Variants in DNAH17 observed in about 807,000 individuals in gnomAD.
DNAH17 encodes the protein dynein axonemal heavy chain 17.
A neutral mutation model predicts 485.6 loss-of-function variants in DNAH17; 376 were observed. That is an observed-to-expected ratio of 0.77 (90% CI 0.71 to 0.84). DNAH17 has a LOEUF of 0.84. Ranked by LOEUF, DNAH17 falls within the 40% of genes least tolerant of loss-of-function variation. The pLI is 0.00. For missense variants in DNAH17, 6,370 were observed against 5,839.3 expected, an observed-to-expected ratio of 1.09 and a Z score of -2.96; for synonymous variants, 3,031 against 2,405.9, an observed-to-expected ratio of 1.26 and a Z score of -7.60.
intron 20 of DNAH17, among the ~76,000 whole-genome samples, chr17:78,531,704 T>C (rs1191123329): frequency 6.6e-6 from 1 of 152,254 alleles, no homozygotes; most frequent in African/African-American, 2.4e-5. Flanking sequence ...TCTGTTTGTG[T>C]GGAATCTCTT....
intron 33 of DNAH17, chr17:78,502,230 T>C: frequency 2.8e-6 from 1 of 353,604 alleles, no homozygotes; most frequent in Non-Finnish European, 5.2e-6. Context: ...CCCTGCAGTG[T>C]CATGCTTGGG....
chr17:78,524,704 T>C (rs972253592), intron 25 of DNAH17, among the ~76,000 whole-genome samples: 2 of 150,440 alleles, frequency 1.3e-5, no homozygotes, highest in African/African-American at 4.9e-5. Flanking sequence ...AAAAATTTCT[T>C]TAAAAAAGGT....
chr17:78,482,485 G>A (rs1406699279), intron 48 of DNAH17, among the ~76,000 whole-genome samples: 1 of 152,058 alleles, frequency 6.6e-6, no homozygotes, highest in Non-Finnish European at 1.5e-5. Flanking sequence ...ATATGTCCAT[G>A]GTGTCTCTCA....
At chr17:78,547,101 C>G (rs989852025) in intron 16 of DNAH17, among the ~76,000 whole-genome samples, 8 of 152,284 alleles carry the variant, frequency 5.3e-5, no homozygotes, top group African/African-American at 1.9e-4. Flanking sequence ...TAACCTTTTA[C>G]AACCGTATTT....
intron 25 of DNAH17, among the ~76,000 whole-genome samples, chr17:78,520,999 T>C (rs2143192970): frequency 6.6e-6 from 1 of 152,300 alleles, no homozygotes; most frequent in East Asian, 1.9e-4. Context: ...GAATCAAGAC[T>C]GTGCAGTATC....
intron 25 of DNAH17, among the ~76,000 whole-genome samples, chr17:78,520,164 AATCAT>A (rs1032226612): frequency 1.3e-5 from 2 of 152,214 alleles, no homozygotes; most frequent in African/African-American, 4.8e-5. Context: ...AACAAAAATC[AATCAT>A]ATCAGTAAAC....
Position 78,425,208 on chromosome 17 carries a change from G to A in DNAH17, c.13141+138C>T. 4 of 795,982 alleles carry A rather than the reference G, an allele frequency of 5.0e-6. No homozygotes were observed. In the South Asian group the frequency reaches 5.2e-5, roughly 10 times the overall value. The allele number at this position is 795,982 out of a possible 1,614,324, so 49.3% of individuals were successfully genotyped here. On this transcript the variant is annotated intron_variant, in intron 80 of 80. Coordinates refer to ENST00000389840, the MANE Select transcript of DNAH17 (RefSeq NM_173628.4). ...GCGTGGCTCTGACCTGCAGGCTGAT[G>A]CCCCCTGAGAGCACCTCTCTCCTGC...
chr17:78,475,613 G>A, intron 53 of DNAH17, 56 bp downstream of exon 53: 1 of 1,606,454 alleles, frequency 6.2e-7, no homozygotes, highest in Non-Finnish European at 8.5e-7. Context: ...AATGCAACCG[G>A]AGAGGGTGAC....
At chr17:78,439,622 G>A (rs1364066258) in intron 72 of DNAH17, among the ~76,000 whole-genome samples, 1 of 139,672 alleles carries the variant, frequency 7.2e-6, no homozygotes, top group East Asian at 2.2e-4. Context: ...TGAGCATAGT[G>A]TTTTTGAGGT....
chr17:78,553,314 TTTTTTAA>T (rs2091950568), intron 14 of DNAH17, among the ~76,000 whole-genome samples: 3 of 52,484 alleles, frequency 5.7e-5, no homozygotes, highest in Non-Finnish European at 8.3e-5. Flanking sequence ...TTTTTTTTTT[TTTTTTAA>T]GATGGAGTCT....
At position 78,475,399 on chromosome 17, in the gene DNAH17, G is replaced by T; in HGVS notation, c.8390C>A (p.Ala2797Asp). ...ACTGCCGCCCACCCCCACCAGCAGGGCATTCCCCCGGGGAGACTCCAGGAT... is the reference window on the plus strand; with the variant it reads ...ACTGCCGCCCACCCCCACCAGCAGGTCATTCCCCCGGGGAGACTCCAGGAT... ...NRILESPRGNALLVGVGGSGK... is the reference protein window; with the variant it reads ...NRILESPRGNDLLVGVGGSGK... The change falls in exon 54 of 81, where the codon GCC (alanine) becomes GAC (aspartate). Residue 2797 changes from alanine to aspartate, a missense_variant. By Grantham distance (126) the Ala-to-Asp change is moderately radical (BLOSUM62 -2). Transcript: ENST00000389840. 1 of 1,613,914 alleles carries T rather than the reference G, an allele frequency of 6.2e-7. No homozygotes were observed. The highest frequency in any genetic ancestry group is 8.5e-7 in the Non-Finnish European group (1 of 1,179,888).
chr17:78,530,414 C>A lies in DNAH17; in HGVS notation c.3213G>T (p.Gln1071His). The change falls in exon 21 of 81, where the codon CAG becomes CAT. Residue 1071 changes from glutamine to histidine, a missense_variant. Transcript: ENST00000389840. ...AGCGCCGGATTGTGCTGAGCAGGGC[C>A]TGCTTGAAGGGGCGGCAGTCGCACT... ...WLQCDCRPFK[Q>H]ALLSTIRRWG... 1 of 1,613,764 alleles carries A rather than the reference C, an allele frequency of 6.2e-7. No homozygotes were observed. Among genetic ancestry groups the A allele is most frequent in the Non-Finnish European group, 8.5e-7 (1 of 1,179,810 alleles).
rs188215726 is a variant in DNAH17, at chr17:78,450,696, C to T, written c.10885G>A (p.Glu3629Lys). The T allele has an allele frequency of 7.3e-5, 118 of 1,613,338 alleles. 1 individual carries two copies. Among genetic ancestry groups the T allele is most frequent in the Non-Finnish European group, 5.8e-5 (68 of 1,179,688 alleles). The change falls in exon 67 of 81, where the codon GAG becomes AAG. Residue 3629 changes from glutamate (E) to lysine (K), a missense_variant. Transcript: ENST00000389840. ...NLETTKHTAS[E>K]IEEKVVEAKI... ...GCAGCTCTGACCTTCTCCTCGATCT[C>T]GCTGGCTGTGTGCTTGGTGGTCTCC...
chr17:78,505,183 C>G, intron 31 of DNAH17, 110 bp downstream of exon 31: 1 of 1,431,150 alleles, frequency 7.0e-7, no homozygotes. Context: ...GGCGGGCTGG[C>G]AGCTGCACAG....
intron 79 of DNAH17, among the ~76,000 whole-genome samples, chr17:78,426,060 G>A (rs1419215137): frequency 2.0e-5 from 3 of 152,242 alleles, no homozygotes; most frequent in Non-Finnish European, 4.4e-5. Flanking sequence ...ACCGTGTCCA[G>A]CTGCTGTTTG....
chr17:78,543,645 G>C lies in DNAH17; in HGVS notation c.2532+212C>G, dbSNP rs548861004. The C allele has an allele frequency of 1.1e-4, 72 of 683,426 alleles. 1 individual carries two copies. The highest frequency in any genetic ancestry group is 7.6e-4 in the Admixed American group (30 of 39,372). 42.3% of individuals were successfully genotyped at this position (683,426 alleles called of 1,614,324 possible). On this transcript the variant is annotated intron_variant, in intron 17 of 80. Transcript: ENST00000389840. Reference sequence around the variant, plus strand: ...TCACCACGTTGGTCAAGCTGGTCTCGATCTCCTGACATTAGGTGATCCGCC... The same window carrying C: ...TCACCACGTTGGTCAAGCTGGTCTCCATCTCCTGACATTAGGTGATCCGCC...
Position 78,427,018 on chromosome 17 carries a change from AG to A in DNAH17, c.12678del (p.Tyr4227ThrfsTer3), listed in dbSNP as rs1381641750. 6.2e-7 allele frequency: 1 copy of A among 1,608,508 alleles called. No homozygotes were observed. Among genetic ancestry groups the A allele is most frequent in the Non-Finnish European group, 8.5e-7 (1 of 1,177,592 alleles). ...EIMAKAAEKT[P>X]YVVVAFQECE... is the part of the protein sequence containing the mutation. ...CATTCTTGAAAGGCGACTACCACGT[AG>A]GGGGTCTTTTCCGCTGCCTTTGCCA... On this transcript the variant is annotated frameshift_variant, in exon 78 of 81. Coordinates refer to ENST00000389840, the MANE Select transcript of DNAH17 (RefSeq NM_173628.4). LOFTEE classifies it high-confidence loss of function.
At chr17:78,502,854 G>A (rs367940141) in intron 32 of DNAH17, 32 bp downstream of exon 32, 17 of 1,606,574 alleles carry the variant, frequency 1.1e-5, no homozygotes, top group South Asian at 2.2e-5. Context: ...TCTCAGCCAC[G>A]AGGCGCCGCC....
chr17:78,536,904 G>A (rs1039262692), intron 19 of DNAH17, among the ~76,000 whole-genome samples: 8 of 152,002 alleles, frequency 5.3e-5, no homozygotes, highest in Non-Finnish European at 5.9e-5. Context: ...GGCCGGGCGC[G>A]GTGGCTCACG....
Sources: allele counts gnomAD v4.1 joint callset (sites outside exome capture counted in the v4.1 genomes callset), GRCh38; gene constraint gnomAD v4.1.1; transcripts MANE v1.5; gene names NCBI Gene and HGNC (gene_info 2026-07-23, HGNC 2026-07-21).